ZNF250: variants seen among roughly 807,000 people sequenced by gnomAD.
ZNF250 encodes the protein zinc finger protein (clone 647).
Under a neutral mutation model 37.1 loss-of-function variants are expected in ZNF250, and 13 were observed. That is an observed-to-expected ratio of 0.35 (90% CI 0.23 to 0.56). The LOEUF (loss-of-function observed/expected upper bound fraction) is 0.56. Ranked by LOEUF, ZNF250 falls within the 20% of genes least tolerant of loss-of-function variation. ZNF250 has a pLI of 0.87. For missense variants in ZNF250, 474 were observed against 697.9 expected (o/e 0.68, Z 3.61); for synonymous variants, 251 against 265.6 (o/e 0.94, Z 0.54).
chr8:144,901,932 C>T (rs1322656186), upstream of ZNF250: 1 of 152,428 alleles, frequency 6.6e-6, no homozygotes, highest in East Asian at 1.9e-4. This position sits in a 1 kb window ranked among gnomAD's most constrained non-coding sequence, Gnocchi z 5.4. Flanking sequence ...CCCTCAGCCG[C>T]CTGGCTGGTC....
In ZNF250 at chr8:144,890,153, T is replaced by TG. The variant is rs1427082230; in HGVS notation, c.43-95dup. ...GACATGTGACATGAGCAGTTGGCAG[T>TG]GGGGGGCTCTGTGAGCTGAGGTGGG... is the stretch of plus-strand genomic sequence containing the variant. On this transcript the variant is annotated intron_variant, in intron 2 of 5. Coordinates refer to ENST00000417550, the MANE Select transcript of ZNF250 (RefSeq NM_001109689.4). This position sits in a 1 kb window ranked among gnomAD's most constrained non-coding sequence, Gnocchi z 5.1. 1.4e-5 allele frequency: 21 copies of TG among 1,552,558 alleles called. No individual in the cohort carries two copies. Among genetic ancestry groups the TG allele is most frequent in the Non-Finnish European group, 1.6e-5 (18 of 1,144,392 alleles).
At chr8:144,887,652 C>G (rs1225124189) in intron 4 of ZNF250, among the ~76,000 whole-genome samples, 1 of 152,192 alleles carries the variant, frequency 6.6e-6, no homozygotes, top group African/African-American at 2.4e-5. Context: ...AGCTCTCCAT[C>G]AGGCGAGTAC....
Position 144,890,966 on chromosome 8 carries a change from G to A in ZNF250, c.-54-563C>T, listed in dbSNP as rs910318302. ...TGAAGGGGAGGCATGGAAGTGGTCA[G>A]TTCTGGACAAACTGAGTCAACAGTG... is the stretch of plus-strand genomic sequence containing the variant. On this transcript the variant is annotated intron_variant, in intron 1 of 5. Coordinates refer to ENST00000417550, the MANE Select transcript of ZNF250 (RefSeq NM_001109689.4). This position sits in a 1 kb window ranked among gnomAD's most constrained non-coding sequence, Gnocchi z 5.1. Among the ~76,000 whole-genome samples, 3 of 152,236 alleles carry A rather than the reference G, an allele frequency of 2.0e-5. No individual in the cohort carries two copies. Among genetic ancestry groups the A allele is most frequent in the African/African-American group, 7.2e-5 (3 of 41,470 alleles).
intron 1 of ZNF250, among the ~76,000 whole-genome samples, chr8:144,892,216 G>A (rs974262045): frequency 2.0e-5 from 3 of 152,182 alleles, no homozygotes; most frequent in Non-Finnish European, 2.9e-5. Flanking sequence ...CTGTGTTAGC[G>A]CAATGCAACT....
At position 144,881,648 on chromosome 8, in the gene ZNF250, C is replaced by T; in HGVS notation, c.1535G>A (p.Ser512Asn). The T allele has an allele frequency of 6.2e-7, 1 of 1,613,592 alleles. No individual in the cohort carries two copies. Among genetic ancestry groups the T allele is most frequent in the Non-Finnish European group, 8.5e-7 (1 of 1,179,830 alleles). Reference protein sequence around the residue: ...YECNSCGKAFSQYSVLIQHQR... With the variant: ...YECNSCGKAFNQYSVLIQHQR... ...GTGCTGGATGAGCACTGAGTACTGG[C>T]TGAAGGCCTTCCCGCAGCTATTGCA... Residue 512 changes from serine (S) to asparagine (N), a missense_variant, in exon 6 of 6, where the codon AGC (serine) becomes AAC (asparagine). Ser to Asn is a conservative substitution (Grantham distance 46). This residue lies in a region of ZNF250 where 282 missense variants were observed against 470.4 expected (regional missense o/e 0.60). Transcript: ENST00000417550.
At position 144,890,230 on chromosome 8, in the gene ZNF250, C is replaced by G; in HGVS notation, c.42+78G>C. 6.6e-7 allele frequency: 1 copy of G among 1,511,540 alleles called. No homozygotes were observed. Among genetic ancestry groups the G allele is most frequent in the Non-Finnish European group, 9.0e-7 (1 of 1,107,788 alleles). 93.6% of individuals were successfully genotyped at this position (1,511,540 alleles called of 1,614,324 possible). ...GGCATGTGGTGACGCTCTGGCTGCT[C>G]TTAGGAGCTCTACGGGGCACGGAAG... On this transcript the variant is annotated intron_variant, in intron 2 of 5. Transcript: ENST00000417550. The surrounding 1 kb of genome is among the most constrained non-coding windows in gnomAD (Gnocchi z 5.1).
chr8:144,890,150 C>T lies in ZNF250; in HGVS notation c.43-91G>A. The T allele has an allele frequency of 1.3e-6, 2 of 1,556,316 alleles. No homozygotes were observed. The highest frequency in any genetic ancestry group is 1.2e-5 in the South Asian group (1 of 85,242). On this transcript the variant is annotated intron_variant, in intron 2 of 5. Coordinates refer to ENST00000417550, the MANE Select transcript of ZNF250 (RefSeq NM_001109689.4). This position sits in a 1 kb window ranked among gnomAD's most constrained non-coding sequence, Gnocchi z 5.1. ...TGTGACATGTGACATGAGCAGTTGGCAGTGGGGGGCTCTGTGAGCTGAGGT... is the reference window on the plus strand; with the variant it reads ...TGTGACATGTGACATGAGCAGTTGGTAGTGGGGGGCTCTGTGAGCTGAGGT...
At chr8:144,886,142 T>C (rs1831862624) in intron 5 of ZNF250, among the ~76,000 whole-genome samples, 1 of 149,562 alleles carries the variant, frequency 6.7e-6, no homozygotes, top group African/African-American at 2.5e-5. Flanking sequence ...TCTGACCTGA[T>C]GCCAGGGTAA....
chr8:144,901,815 C>G (rs1201389364), upstream of ZNF250: 1 of 152,696 alleles, frequency 6.5e-6, no homozygotes. The surrounding 1 kb of genome is among the most constrained non-coding windows in gnomAD (Gnocchi z 5.4). Context: ...CTGCCGGCCC[C>G]GCAGTCCCTC....
chr8:144,899,141 T>C (rs974685366), intron 1 of ZNF250, among the ~76,000 whole-genome samples: 1 of 152,074 alleles, frequency 6.6e-6, no homozygotes, highest in African/African-American at 2.4e-5. Context: ...AAGACAAATA[T>C]TGCATGTTTT....
rs1831374458 is a variant in ZNF250, at chr8:144,880,267, T to C, written c.*1248A>G. ...CTAGAGATAGTAAAAAAGAGCTATC[T>C]GAATTTGAGAAATGTATGTTTTAAA... On this transcript the variant is annotated 3_prime_UTR_variant, in exon 6 of 6. Transcript: ENST00000417550. 1 of 304,630 alleles carries C rather than the reference T, an allele frequency of 3.3e-6. No homozygotes were observed. The highest frequency in any genetic ancestry group is 6.8e-6 in the Non-Finnish European group (1 of 147,110). The allele number at this position is 304,630 out of a possible 1,614,324, so 18.9% of individuals were successfully genotyped here.
At chr8:144,895,025 C>T (rs1011906556) in intron 1 of ZNF250, 2 of 152,092 alleles carry the variant, frequency 1.3e-5, no homozygotes, top group Non-Finnish European at 2.9e-5. Context: ...CTGTAATAGC[C>T]AAGTACGGAG....
intron 4 of ZNF250, among the ~76,000 whole-genome samples, chr8:144,888,462 G>C (rs930897083): frequency 7.9e-5 from 12 of 151,712 alleles, no homozygotes; most frequent in Admixed American, 2.6e-4. Context: ...CTGGGTATAG[G>C]GGCATGGACC....
chr8:144,877,646 G>A lies in ZNF250; in HGVS notation c.*3869C>T, dbSNP rs1414798308. On this transcript the variant is annotated 3_prime_UTR_variant, in exon 6 of 6. Coordinates refer to ENST00000417550, the MANE Select transcript of ZNF250 (RefSeq NM_001109689.4). ...CTGGGAATCCTCCTCAGAAAGAAGG[G>A]CATTGAAGCCCACTTCCTGGCTCCG... The A allele has an allele frequency of 6.6e-6, 1 of 152,168 alleles. No individual in the cohort carries two copies. The highest frequency in any genetic ancestry group is 1.5e-5 in the Non-Finnish European group (1 of 68,042). 9.4% of individuals were successfully genotyped at this position (152,168 alleles called of 1,614,324 possible).
At position 144,881,873 on chromosome 8, in the gene ZNF250, T is replaced by TGGTGCTGGATCAGGTGTG; in HGVS notation, c.1292_1309dup (p.His436_Gln437insProHisLeuIleGlnHis). The TGGTGCTGGATCAGGTGTG allele has an allele frequency of 6.2e-7, 1 of 1,614,204 alleles. No homozygotes were observed. The highest frequency in any genetic ancestry group is 1.1e-5 in the South Asian group (1 of 91,078). ...GGGCTTCTCCCCAGTGTGGACTCTC[T>TGGTGCTGGATCAGGTGTG]GGTGCTGGATCAGGTGTGAGTGCTG... is the stretch of plus-strand genomic sequence containing the variant. On this transcript the variant is annotated inframe_insertion, in exon 6 of 6. Coordinates refer to ENST00000417550, the MANE Select transcript of ZNF250 (RefSeq NM_001109689.4).
At position 144,881,584 on chromosome 8, in the gene ZNF250, C is replaced by T; in HGVS notation, c.1599G>A (p.Gly533=). Residue 533 remains glycine (G), a synonymous_variant, in exon 6 of 6, where the codon GGG becomes GGA. Coordinates refer to ENST00000417550, the MANE Select transcript of ZNF250 (RefSeq NM_001109689.4). ...IHTGEKPYEC[G]ECGRAFNQHG... is the part of the protein sequence containing the mutation. ...GCTGGTTGAAGGCACGCCCACACTC[C>T]CCGCACTCATAGGGCTTCTCGCCTG... The T allele has an allele frequency of 1.2e-6, 2 of 1,613,706 alleles. No individual in the cohort carries two copies. Among genetic ancestry groups the T allele is most frequent in the Non-Finnish European group, 1.7e-6 (2 of 1,179,752 alleles).
rs1412438896 is a variant in ZNF250 at position 144,889,607 on chromosome 8, CTCT to C, written c.254_256del (p.Lys85del). The C allele has an allele frequency of 6.2e-7, 1 of 1,613,996 alleles. No homozygotes were observed. Among genetic ancestry groups the C allele is most frequent in the East Asian group, 2.2e-5 (1 of 44,886 alleles). ...TGAGTAGTCACTCCACAGGCCCTGG[CTCT>C]TCTTAGCCCCCTTCCTGTCCAGGAC... On this transcript the variant is annotated inframe_deletion, in exon 4 of 6. Transcript: ENST00000417550.
At position 144,890,632 on chromosome 8, in the gene ZNF250, C is replaced by T. The variant is rs1330165125; in HGVS notation, c.-54-229G>A. Among the ~76,000 whole-genome samples, 1 of 152,056 alleles carries T rather than the reference C, an allele frequency of 6.6e-6. No homozygotes were observed. The highest frequency in any genetic ancestry group is 1.5e-5 in the Non-Finnish European group (1 of 67,984). ...CTGAACACACAGTTCCTGGGCCTGC[C>T]CAGCTAGTACTGGGCTCTCTGAACA... is the stretch of plus-strand genomic sequence containing the variant. On this transcript the variant is annotated intron_variant, in intron 1 of 5. Transcript: ENST00000417550. This position sits in a 1 kb window ranked among gnomAD's most constrained non-coding sequence, Gnocchi z 5.1.
rs143518411 is a variant in ZNF250, at chr8:144,890,251, G to A, written c.42+57C>T. ...TGCTCTTAGGAGCTCTACGGGGCAC[G>A]GAAGGAACCACAGGGCTCGGGCTGG... On this transcript the variant is annotated intron_variant, in intron 2 of 5. Transcript: ENST00000417550. This position sits in a 1 kb window ranked among gnomAD's most constrained non-coding sequence, Gnocchi z 5.1. The A allele has an allele frequency of 1.6e-5, 25 of 1,537,850 alleles. No homozygotes were observed. The highest frequency in any genetic ancestry group is 1.7e-4 in the Middle Eastern group (1 of 5,892).
Sources: allele counts gnomAD v4.1 joint callset (sites outside exome capture counted in the v4.1 genomes callset), GRCh38; gene constraint gnomAD v4.1.1; regional missense constraint gnomAD v4.1.1; non-coding constraint Gnocchi (gnomAD v3.1); transcripts MANE v1.5; gene names NCBI Gene and HGNC (gene_info 2026-07-23, HGNC 2026-07-21).